The following ONECUT2 variants were observed in gnomAD, a reference collection of about 807,000 sequenced individuals.
ONECUT2 encodes the protein one cut homeobox 2, also known as one cut domain family member 2.
A neutral mutation model predicts 27.9 loss-of-function variants in ONECUT2; 10 were observed. The ratio of observed to expected loss-of-function variants is 0.36; its 90% CI spans 0.22 to 0.61. ONECUT2 has a LOEUF of 0.61. ONECUT2 is among the 20% of genes least tolerant of loss of function. The pLI, the probability that ONECUT2 is intolerant of heterozygous loss-of-function variation, is 0.73. For synonymous variants in ONECUT2, 334 were observed against 315.1 expected, an observed-to-expected ratio of 1.06 and a Z score of -0.64; for missense variants, 686 against 721.0, an observed-to-expected ratio of 0.95 and a Z score of 0.56.
At position 57,489,148 on chromosome 18, in the gene ONECUT2, C is replaced by T. The variant is rs912376099; in HGVS notation, c.*12425C>T. On this transcript the variant is annotated 3_prime_UTR_variant, in exon 2 of 2. Transcript: ENST00000491143. ...CTCCATCCTGGGGTTGCAAAGGATC[C>T]AGGTCCCCTCCATCCAGTGGGGCTC... 4 of 152,346 alleles carry T rather than the reference C, an allele frequency of 2.6e-5. No individual in the cohort carries two copies. The highest frequency in any genetic ancestry group is 7.2e-5 in the African/African-American group (3 of 41,450). The allele number at this position is 152,346 out of a possible 1,614,324, so 9.4% of individuals were successfully genotyped here.
At chr18:57,449,728 G>T (rs1156484595) in intron 1 of ONECUT2, among the ~76,000 whole-genome samples, 1 of 152,158 alleles carries the variant, frequency 6.6e-6, no homozygotes, top group Admixed American at 6.5e-5. Flanking sequence ...CCATGTCTTT[G>T]CACGTTCTGT....
chr18:57,461,291 A>G (rs2050289842), intron 1 of ONECUT2, among the ~76,000 whole-genome samples: 1 of 151,944 alleles, frequency 6.6e-6, no homozygotes, highest in South Asian at 2.1e-4. Context: ...CTTCTTTTTC[A>G]TAACTCTATA....
chr18:57,446,842 G>A (rs929759111), intron 1 of ONECUT2, among the ~76,000 whole-genome samples: 12 of 152,188 alleles, frequency 7.9e-5, no homozygotes, highest in South Asian at 4.1e-4. Flanking sequence ...CTTGGGGGAA[G>A]AGAAGCAAAG....
Position 57,467,987 on chromosome 18 carries a change from G to A in ONECUT2, c.1229-8450G>A, listed in dbSNP as rs1041514836. On this transcript the variant is annotated intron_variant, in intron 1 of 1. Coordinates refer to ENST00000491143, the MANE Select transcript of ONECUT2 (RefSeq NM_004852.3). ...CAATATCTGCTCTAATAAGCCAGGC[G>A]GCAGTGCTCCAACTAGCCCATAGGT... is the stretch of plus-strand genomic sequence containing the variant. 2.6e-5 allele frequency among the ~76,000 whole-genome samples: 4 copies of A among 152,322 alleles called. 1 individual carries two copies. The South Asian group carries it at 6.2e-4, about 24-fold the overall frequency.
chr18:57,460,687 C>CTTT (rs66773926), intron 1 of ONECUT2, among the ~76,000 whole-genome samples: 2,188 of 112,898 alleles, frequency 0.019, 127 homozygotes, highest in African/African-American at 0.063. Flanking sequence ...TCATTCAAAT[C>CTTT]TTTTTTTTTT....
Position 57,478,158 on chromosome 18 carries a change from C to T in ONECUT2, c.*1435C>T, listed in dbSNP as rs1334308153. On this transcript the variant is annotated 3_prime_UTR_variant, in exon 2 of 2. Coordinates refer to ENST00000491143, the MANE Select transcript of ONECUT2 (RefSeq NM_004852.3). ...ATCGGGCTGAGCGGACCAGCTACACCAAGGACATTAGCCAAGCCACCCAGA... is the reference window on the plus strand; with the variant it reads ...ATCGGGCTGAGCGGACCAGCTACACTAAGGACATTAGCCAAGCCACCCAGA... 1 of 152,678 alleles carries T rather than the reference C, an allele frequency of 6.5e-6. No homozygotes were observed. The highest frequency in any genetic ancestry group is 1.5e-5 in the Non-Finnish European group (1 of 68,054). 9.5% of individuals were successfully genotyped at this position (152,678 alleles called of 1,614,324 possible). A position where few individuals can be genotyped will look rare whatever the true frequency, so the allele number is the denominator to read the frequency against.
At chr18:57,441,766 A>T (rs1479029139) in intron 1 of ONECUT2, among the ~76,000 whole-genome samples, 2 of 152,378 alleles carry the variant, frequency 1.3e-5, no homozygotes, top group African/African-American at 2.4e-5. Flanking sequence ...CGGTTCTCGT[A>T]CTAAAAAGGC....
At chr18:57,467,613 C>T (rs1256073909) in intron 1 of ONECUT2, among the ~76,000 whole-genome samples, 2 of 152,212 alleles carry the variant, frequency 1.3e-5, no homozygotes, top group East Asian at 3.9e-4. Flanking sequence ...GATCCACCCG[C>T]CTCAGCCTCC....
chr18:57,454,942 G>A (rs2050250623), intron 1 of ONECUT2, among the ~76,000 whole-genome samples: 1 of 152,200 alleles, frequency 6.6e-6, no homozygotes, highest in Non-Finnish European at 1.5e-5. Context: ...GTATTGAGCA[G>A]ACATTCTGTA....
intron 1 of ONECUT2, 80 bp from the exon 2 acceptor site, chr18:57,476,357 A>G (rs618953): frequency 0.99 from 1,423,261 of 1,441,930 alleles, 704,198 homozygotes; most frequent in East Asian, 1. Flanking sequence ...ATCTCTTTGT[A>G]CAACTTTGTC....
intron 1 of ONECUT2, among the ~76,000 whole-genome samples, chr18:57,452,716 C>T (rs1410395215): frequency 2.6e-5 from 4 of 152,220 alleles, no homozygotes; most frequent in African/African-American, 4.8e-5. Context: ...TGCGCCACCA[C>T]GCCTGGCCTC....
rs1382238247 is a variant in ONECUT2, at chr18:57,482,735, C to T, written c.*6012C>T. On this transcript the variant is annotated 3_prime_UTR_variant, in exon 2 of 2. Coordinates refer to ENST00000491143, the MANE Select transcript of ONECUT2 (RefSeq NM_004852.3). The stretch of plus-strand genomic sequence containing the variant: ...ATGACTTTATAACAACACACATTAC[C>T]TATAGGTGTCTAGACTGTGTACATA... 1 of 152,100 alleles carries T rather than the reference C, an allele frequency of 6.6e-6. No homozygotes were observed. The highest frequency in any genetic ancestry group is 1.9e-4 in the East Asian group (1 of 5,192). The allele number at this position is 152,100 out of a possible 1,614,324, so 9.4% of individuals were successfully genotyped here. A position where few individuals can be genotyped will look rare whatever the true frequency, so the allele number is the denominator to read the frequency against.
chr18:57,470,992 G>A (rs1178405665), intron 1 of ONECUT2, among the ~76,000 whole-genome samples: 1 of 152,228 alleles, frequency 6.6e-6, no homozygotes, highest in Non-Finnish European at 1.5e-5. Context: ...TCTGGCCGGG[G>A]AAGCTACTCT....
Position 57,436,413 on chromosome 18 carries a change from G to T in ONECUT2, c.697G>T (p.Gly233Cys). Residue 233 changes from glycine to cysteine, a missense_variant, in exon 1 of 2, where the codon GGC becomes TGC. Gly to Cys is a radical substitution (Grantham distance 159). Around this residue, in one of 4 missense-constraint regions of ONECUT2, gnomAD observed 511 missense variants for 488.1 expected, o/e 1.05. Transcript: ENST00000491143. The surrounding 1 kb of genome is among the most constrained non-coding windows in gnomAD (Gnocchi z 5.9). Reference sequence around the variant, plus strand: ...GTCCCCGCTGGCCGCCACGCCGCTGGGCAACGGGCTAGGCGGCCTCCACAA... The same window carrying T: ...GTCCCCGCTGGCCGCCACGCCGCTGTGCAACGGGCTAGGCGGCCTCCACAA... ...SLSPLAATPLGNGLGGLHNAQ... is the reference protein window; with the variant it reads ...SLSPLAATPLCNGLGGLHNAQ... 1 of 1,611,548 alleles carries T rather than the reference G, an allele frequency of 6.2e-7. No individual in the cohort carries two copies.
intron 1 of ONECUT2, among the ~76,000 whole-genome samples, chr18:57,471,064 A>C (rs2050350886): frequency 6.6e-6 from 1 of 152,252 alleles, no homozygotes; most frequent in African/African-American, 2.4e-5. Context: ...GGGAGAGCAC[A>C]GGACACCACG....
intron 1 of ONECUT2, among the ~76,000 whole-genome samples, chr18:57,447,799 G>A (rs965861276): frequency 6.6e-6 from 1 of 152,180 alleles, no homozygotes; most frequent in Non-Finnish European, 1.5e-5. Context: ...TATAGCAGCA[G>A]TAATGTCACA....
In ONECUT2 at chr18:57,482,846, G is replaced by C. The variant is rs2050422168; in HGVS notation, c.*6123G>C. 1 of 152,382 alleles carries C rather than the reference G, an allele frequency of 6.6e-6. No individual in the cohort carries two copies. The highest frequency in any genetic ancestry group is 2.1e-4 in the South Asian group (1 of 4,830). 9.4% of individuals were successfully genotyped at this position (152,382 alleles called of 1,614,324 possible). On this transcript the variant is annotated 3_prime_UTR_variant, in exon 2 of 2. Transcript: ENST00000491143. ...TAAATCATCGTTTAACATGTATGTG[G>C]TACTTCTACAGTGTACATTGTTTTC...
At chr18:57,454,496 C>G (rs956998032) in intron 1 of ONECUT2, among the ~76,000 whole-genome samples, 2 of 152,106 alleles carry the variant, frequency 1.3e-5, no homozygotes, top group African/African-American at 4.8e-5. Context: ...CCTCAGTTCC[C>G]TCCTCTGTAG....
intron 1 of ONECUT2, among the ~76,000 whole-genome samples, chr18:57,472,428 A>G (rs1283145125): frequency 6.6e-6 from 1 of 152,078 alleles, no homozygotes. Flanking sequence ...ATTTTCCTTT[A>G]GCTCCTGACC....
Sources: gnomAD v4.1 joint callset for allele counts (sites outside exome capture counted in the v4.1 genomes callset) on GRCh38, gnomAD v4.1.1 for gene constraint, gnomAD v4.1.1 regional missense constraint, Gnocchi (gnomAD v3.1) non-coding constraint, MANE v1.5 for transcripts, NCBI Gene and HGNC (gene_info 2026-07-23, HGNC 2026-07-21) for gene names.